EFHD1: variants seen among roughly 807,000 people sequenced by gnomAD.
The protein encoded by EFHD1 is EF-hand domain-containing protein D1.
Under a neutral mutation model 17.2 loss-of-function variants are expected in EFHD1, and 10 were observed. The observed-to-expected ratio is 0.58, with a 90% CI of 0.36 to 0.99. The LOEUF is 0.99. Among genes scored for constraint, EFHD1 ranks in the 50% least tolerant of loss-of-function variants. The pLI is 0.01. For missense variants in EFHD1, 310 were observed against 327.5 expected, an observed-to-expected ratio of 0.95 and a Z score of 0.41; for synonymous variants, 153 against 142.0, an observed-to-expected ratio of 1.08 and a Z score of -0.55.
At chr2:232,650,834 G>A (rs977558538) in intron 1 of EFHD1, among the ~76,000 whole-genome samples, 2 of 151,930 alleles carry the variant, frequency 1.3e-5, no homozygotes, top group African/African-American at 4.8e-5. Flanking sequence ...CTCCCAAAGT[G>A]CTGGGATTAC....
chr2:232,648,553 G>A lies in EFHD1; in HGVS notation c.303-14249G>A, dbSNP rs181614499. The stretch of plus-strand genomic sequence containing the variant: ...AGTCCTGTGACCTTAGGGAGTCTCC[G>A]AGGCTCATCTAGATAGGCACAGCTG... On this transcript the variant is annotated intron_variant, in intron 1 of 3. Transcript: ENST00000264059. Among the ~76,000 whole-genome samples the A allele has an allele frequency of 1.4e-3, 209 of 152,200 alleles. 2 individuals carry two copies. The highest frequency in any genetic ancestry group is 2.4e-3 in the Non-Finnish European group (163 of 68,006).
rs1694252364 is a variant in EFHD1 at position 232,633,781 on chromosome 2, T to C, written c.77T>C (p.Leu26Pro). ...REEAEESGPQ[L>P]APLGAPAPEP... ...GAGGCCGAGGAGAGTGGCCCCCAGCTGGCTCCCCTCGGCGCCCCAGCCCCG... is the reference window on the plus strand; with the variant it reads ...GAGGCCGAGGAGAGTGGCCCCCAGCCGGCTCCCCTCGGCGCCCCAGCCCCG... The change falls in exon 1 of 4, where the codon CTG becomes CCG. Residue 26 changes from leucine (L) to proline (P), a missense_variant. By Grantham distance (98) the Leu-to-Pro change is moderately conservative (BLOSUM62 -3). Transcript: ENST00000264059. 13 of 1,460,276 alleles carry C rather than the reference T, an allele frequency of 8.9e-6. No homozygotes were observed. The highest frequency in any genetic ancestry group is 1.5e-5 in the African/African-American group (1 of 67,918). 90.5% of individuals were successfully genotyped at this position (1,460,276 alleles called of 1,614,324 possible).
At chr2:232,617,268 T>C (rs13423701) in intron 1 of EFHD1, among the ~76,000 whole-genome samples, 32,380 of 152,134 alleles carry the variant, frequency 0.21, 4,046 homozygotes, top group East Asian at 0.58. Context: ...TATGAATTGC[T>C]TCTTTACTGC....
At chr2:232,649,590 T>A (rs1454475804) in intron 1 of EFHD1, among the ~76,000 whole-genome samples, 1 of 152,148 alleles carries the variant, frequency 6.6e-6, no homozygotes, top group South Asian at 2.1e-4. Context: ...TGCTTCCTCA[T>A]GACCGCAGAC....
At chr2:232,634,304 C>G (rs1401557564) in intron 1 of EFHD1, among the ~76,000 whole-genome samples, 3 of 152,128 alleles carry the variant, frequency 2.0e-5, no homozygotes, top group African/African-American at 7.2e-5. Context: ...CCCCCTCCGC[C>G]CGCCAGTCCG....
intron 1 of EFHD1, among the ~76,000 whole-genome samples, chr2:232,615,156 G>A (rs781557721): frequency 6.6e-6 from 1 of 152,038 alleles, no homozygotes; most frequent in East Asian, 1.9e-4. Flanking sequence ...CTTACAGCTC[G>A]AAATATGTGT....
At chr2:232,606,305 C>T in intron 1 of EFHD1, 1 of 1,071,002 alleles carries the variant, frequency 9.3e-7, no homozygotes, top group Non-Finnish European at 1.4e-6. Flanking sequence ...CACTCCCGGC[C>T]CTCGCTTCCC....
chr2:232,609,393 T>C (rs372449746), intron 1 of EFHD1, among the ~76,000 whole-genome samples: 1 of 152,112 alleles, frequency 6.6e-6, no homozygotes, highest in African/African-American at 2.4e-5. Context: ...GAAAATGAAG[T>C]GTTTGCAAAC....
intron 3 of EFHD1, among the ~76,000 whole-genome samples, chr2:232,673,978 G>A (rs1291357982): frequency 7.1e-6 from 1 of 140,120 alleles, no homozygotes; most frequent in East Asian, 2.1e-4. Context: ...GCACGATCTT[G>A]GCTCACTGGC....
chr2:232,627,565 G>C (rs1694129633), intron 1 of EFHD1, among the ~76,000 whole-genome samples: 1 of 152,086 alleles, frequency 6.6e-6, no homozygotes, highest in African/African-American at 2.4e-5. Context: ...CCAGCGACCT[G>C]TGGAAGATTG....
chr2:232,664,419 T>A (rs1175276327), intron 2 of EFHD1, among the ~76,000 whole-genome samples: 1 of 151,888 alleles, frequency 6.6e-6, no homozygotes, highest in African/African-American at 2.4e-5. Flanking sequence ...CTAGCTACTT[T>A]TTATTTTTAT....
At chr2:232,649,670 G>A (rs1694600707) in intron 1 of EFHD1, among the ~76,000 whole-genome samples, 1 of 152,168 alleles carries the variant, frequency 6.6e-6, no homozygotes, top group African/African-American at 2.4e-5. Context: ...GCAAGGGGAT[G>A]ATTTCCTTTG....
intron 1 of EFHD1, among the ~76,000 whole-genome samples, chr2:232,651,990 C>T (rs1349399526): frequency 6.6e-6 from 1 of 152,176 alleles, no homozygotes; most frequent in Non-Finnish European, 1.5e-5. Context: ...GTTAGGGGGT[C>T]AGGCTGGGGG....
rs1695096326 is a variant in EFHD1 at position 232,672,509 on chromosome 2, A to C, written c.585+66A>C. On this transcript the variant is annotated intron_variant, in intron 3 of 3. Transcript: ENST00000264059. ...GCCTTCACGCTGCCCACCAGACTGCAGCTGTCATTTTCATCTCAGCAGAGC... is the reference window on the plus strand; with the variant it reads ...GCCTTCACGCTGCCCACCAGACTGCCGCTGTCATTTTCATCTCAGCAGAGC... The C allele has an allele frequency of 2.6e-6, 4 of 1,528,108 alleles. No individual in the cohort carries two copies. The South Asian group carries it at 5.3e-5, about 20-fold the overall frequency. The allele number at this position is 1,528,108 out of a possible 1,614,324, so 94.7% of individuals were successfully genotyped here. A position where few individuals can be genotyped will look rare whatever the true frequency, so the allele number is the denominator to read the frequency against.
intron 1 of EFHD1, among the ~76,000 whole-genome samples, 153 bp downstream of exon 1, chr2:232,634,159 C>T (rs1694269511): frequency 6.6e-6 from 1 of 152,156 alleles, no homozygotes; most frequent in African/African-American, 2.4e-5. Flanking sequence ...GTGCTCGGGT[C>T]TATCTCGGCG....
At chr2:232,619,052 G>A (rs577700208) in intron 1 of EFHD1, among the ~76,000 whole-genome samples, 148 of 152,002 alleles carry the variant, frequency 9.7e-4, no homozygotes, top group African/African-American at 3.3e-3. Flanking sequence ...CGGAGGCCGA[G>A]GCAGGAGAAT....
At chr2:232,659,715 A>G (rs538684115) in intron 1 of EFHD1, among the ~76,000 whole-genome samples, 2 of 152,002 alleles carry the variant, frequency 1.3e-5, no homozygotes, top group Admixed American at 1.3e-4. Context: ...TCAGTTCTCA[A>G]ACAGCAATAA....
chr2:232,629,726 C>T (rs572729332), upstream of EFHD1, among the ~76,000 whole-genome samples: 1 of 152,182 alleles, frequency 6.6e-6, no homozygotes, highest in East Asian at 1.9e-4. Flanking sequence ...GCCTCGGCCT[C>T]CCAAAGTGCT....
intron 1 of EFHD1, among the ~76,000 whole-genome samples, chr2:232,636,676 T>G (rs1434174657): frequency 6.6e-6 from 1 of 151,686 alleles, no homozygotes; most frequent in Admixed American, 6.6e-5. Context: ...ATACAAAAAT[T>G]AGCCAGGCAT....
Sources: allele counts gnomAD v4.1 joint callset (sites outside exome capture counted in the v4.1 genomes callset), GRCh38; gene constraint gnomAD v4.1.1; transcripts MANE v1.5; gene names NCBI Gene and HGNC (gene_info 2026-07-23, HGNC 2026-07-21).